Variants in SIK3 observed in about 807,000 individuals in gnomAD.
SIK3 encodes SIK family kinase 3, also known as serine/threonine-protein kinase SIK3.
In SIK3, 28 loss-of-function variants were observed where a neutral mutation model predicts 144.2. The observed-to-expected ratio is 0.19, with a 90% CI of 0.14 to 0.27. SIK3 has a LOEUF of 0.27. Among genes scored for constraint, SIK3 ranks in the 10% least tolerant of loss-of-function variants. The pLI is 1.00. For synonymous variants in SIK3, 686 were observed against 676.3 expected, an observed-to-expected ratio of 1.01 and a Z score of -0.22; for missense variants, 1,319 against 1,776.0, an observed-to-expected ratio of 0.74 and a Z score of 4.62.
intron 1 of SIK3, among the ~76,000 whole-genome samples, chr11:116,968,035 C>T (rs573679342): frequency 1.3e-5 from 2 of 152,286 alleles, no homozygotes; most frequent in African/African-American, 4.8e-5. Context: ...ATGTTATTTC[C>T]ATAATGAATG....
At chr11:116,896,002 A>G (rs1047772530) in intron 6 of SIK3, among the ~76,000 whole-genome samples, 2 of 152,202 alleles carry the variant, frequency 1.3e-5, no homozygotes, top group African/African-American at 4.8e-5. Context: ...CTCTCAGCCA[A>G]TTTATAGATG....
At chr11:117,077,782 A>G (rs1183316709) in intron 1 of SIK3, among the ~76,000 whole-genome samples, 1 of 152,232 alleles carries the variant, frequency 6.6e-6, no homozygotes, top group Non-Finnish European at 1.5e-5. Flanking sequence ...GTGCAAAGGG[A>G]AGAACCCCTG....
chr11:116,915,153 T>TGTGCGC (rs1555093370), intron 4 of SIK3, among the ~76,000 whole-genome samples: 3 of 149,212 alleles, frequency 2.0e-5, no homozygotes, highest in African/African-American at 7.4e-5. Context: ...TGTGTGTGTG[T>TGTGCGC]GTGTGTGTAT....
At chr11:116,918,328 T>C (rs56067103) in intron 4 of SIK3, among the ~76,000 whole-genome samples, 6,884 of 152,198 alleles carry the variant, frequency 0.045, 499 homozygotes, top group African/African-American at 0.16. Flanking sequence ...CTCAACTCCC[T>C]TTCCCTGTAG....
chr11:117,011,905 C>A (rs1285694026), intron 1 of SIK3, among the ~76,000 whole-genome samples: 1 of 152,122 alleles, frequency 6.6e-6, no homozygotes. Context: ...GAGACTCCAA[C>A]TCTTAAAAAA....
rs1591351123 is a variant in SIK3 at position 116,847,508 on chromosome 11, C to G, written c.3920G>C (p.Gly1307Ala). Residue 1307 changes from glycine (G) to alanine (A), a missense_variant, in exon 23 of 25, where the codon GGC becomes GCC. By Grantham distance (60) the Gly-to-Ala change is moderately conservative (BLOSUM62 0). This residue lies in a region of SIK3 where 646 missense variants were observed against 763.7 expected (regional missense o/e 0.85). Coordinates refer to ENST00000445177, the MANE Select transcript of SIK3 (RefSeq NM_001366686.3). ...TTCCCCATCCTGAAACTGCTGGCTG[C>G]CCATGAGCGAAGACTGACTGAGAAC... ...DAVLSQSSLMGSQQFQDGENE... is the reference protein window; with the variant it reads ...DAVLSQSSLMASQQFQDGENE... 1.2e-6 allele frequency: 2 copies of G among 1,614,194 alleles called. No individual in the cohort carries two copies. The highest frequency in any genetic ancestry group is 4.5e-5 in the East Asian group (2 of 44,884).
At chr11:117,038,198 C>T (rs77393043) in intron 1 of SIK3, among the ~76,000 whole-genome samples, 1 of 152,128 alleles carries the variant, frequency 6.6e-6, no homozygotes, top group East Asian at 1.9e-4. Flanking sequence ...CCTTCTCCCC[C>T]TCTTCCAAGC....
At chr11:117,035,076 T>C (rs1952435898) in intron 1 of SIK3, among the ~76,000 whole-genome samples, 1 of 152,232 alleles carries the variant, frequency 6.6e-6, no homozygotes, top group African/African-American at 2.4e-5. Context: ...ACCATTTATT[T>C]ATCTCTTGGT....
intron 2 of SIK3, among the ~76,000 whole-genome samples, chr11:116,955,646 G>C (rs893207464): frequency 6.6e-6 from 1 of 152,102 alleles, no homozygotes; most frequent in Non-Finnish European, 1.5e-5. Context: ...TAAAAGGTAA[G>C]GTCAAGAAAT....
chr11:117,025,159 A>G (rs1951957326), intron 1 of SIK3, among the ~76,000 whole-genome samples: 1 of 152,168 alleles, frequency 6.6e-6, no homozygotes, highest in African/African-American at 2.4e-5. Context: ...ACCTTTCCCT[A>G]TATTTCAATC....
chr11:116,863,036 T>G (rs923221251), intron 16 of SIK3, among the ~76,000 whole-genome samples: 2 of 149,820 alleles, frequency 1.3e-5, no homozygotes, highest in Non-Finnish European at 3.0e-5. Context: ...ATTGTGCCAC[T>G]GCACTCCAGC....
chr11:117,039,416 G>A (rs962161280), intron 1 of SIK3, among the ~76,000 whole-genome samples: 1 of 152,160 alleles, frequency 6.6e-6, no homozygotes, highest in Non-Finnish European at 1.5e-5. Flanking sequence ...TGCCTGGCAA[G>A]AAAATGTTCA....
At chr11:117,093,911 G>A (rs954106637) in intron 1 of SIK3, among the ~76,000 whole-genome samples, 1 of 151,932 alleles carries the variant, frequency 6.6e-6, no homozygotes, top group Non-Finnish European at 1.5e-5. Flanking sequence ...AAAAAAGGAG[G>A]ACTATTATTA....
intron 1 of SIK3, among the ~76,000 whole-genome samples, chr11:116,994,573 T>C (rs768220845): frequency 6.6e-6 from 1 of 152,190 alleles, no homozygotes; most frequent in African/African-American, 2.4e-5. Context: ...CAAAAAGTGC[T>C]TGGTGGTAAG....
intron 1 of SIK3, among the ~76,000 whole-genome samples, chr11:117,071,047 G>C (rs549211890): frequency 5.1e-4 from 78 of 152,078 alleles, no homozygotes; most frequent in African/African-American, 1.8e-3. Context: ...TTTCAAAAAA[G>C]AAACATAAAA....
At chr11:117,079,147 C>G (rs1954678288) in intron 1 of SIK3, among the ~76,000 whole-genome samples, 1 of 152,126 alleles carries the variant, frequency 6.6e-6, no homozygotes, top group African/African-American at 2.4e-5. Context: ...TAGAGCTTCC[C>G]AAACTGTGGT....
chr11:117,043,939 C>T (rs562853524), intron 1 of SIK3, among the ~76,000 whole-genome samples: 24 of 152,176 alleles, frequency 1.6e-4, no homozygotes, highest in Non-Finnish European at 2.9e-4. Flanking sequence ...GCTACTGCCC[C>T]AGTATAGTTC....
At chr11:117,004,770 T>C (rs1418885414) in intron 1 of SIK3, among the ~76,000 whole-genome samples, 2 of 152,204 alleles carry the variant, frequency 1.3e-5, no homozygotes, top group African/African-American at 4.8e-5. Flanking sequence ...GATTCCTACC[T>C]CTTCTCCTCA....
intron 1 of SIK3, among the ~76,000 whole-genome samples, chr11:117,063,947 C>T (rs1017090304): frequency 5.9e-5 from 9 of 151,808 alleles, no homozygotes; most frequent in South Asian, 2.1e-4. Flanking sequence ...ACAAATTGCA[C>T]GCTCCATATC....
Sources: allele counts gnomAD v4.1 joint callset (sites outside exome capture counted in the v4.1 genomes callset), GRCh38; gene constraint gnomAD v4.1.1; regional missense constraint gnomAD v4.1.1; transcripts MANE v1.5; gene names NCBI Gene and HGNC (gene_info 2026-07-23, HGNC 2026-07-21).